The following DLG3 variants were observed in gnomAD, a reference collection of about 807,000 sequenced individuals.
DLG3 encodes the protein discs large MAGUK scaffold protein 3, also known as disks large homolog 3.
DLG3 carries 1 observed loss-of-function variant against 64.1 expected under a neutral mutation model. That is an observed-to-expected ratio of 0.02 (90% CI 0.01 to 0.07). The LOEUF (loss-of-function observed/expected upper bound fraction) is 0.07, where lower values mean the gene tolerates loss of function less well. DLG3 is among the 10% of genes least tolerant of loss of function. The pLI, the probability that DLG3 is intolerant of heterozygous loss-of-function variation, is 1.00. For synonymous variants in DLG3, 245 were observed against 259.8 expected, an observed-to-expected ratio of 0.94 and a Z score of 0.55; for missense variants, 429 against 669.5, an observed-to-expected ratio of 0.64 and a Z score of 3.96.
chrX:70,502,515 G>T lies in DLG3; in HGVS notation c.*246G>T. The T allele has an allele frequency of 3.1e-6, 1 of 325,272 alleles. No individual in the cohort carries two copies. Among genetic ancestry groups the T allele is most frequent in the Non-Finnish European group, 5.4e-6 (1 of 184,086 alleles). The allele number at this position is 325,272 out of a possible 1,213,427, so 26.8% of individuals were successfully genotyped here. A position where few individuals can be genotyped will look rare whatever the true frequency, so the allele number is the denominator to read the frequency against. The stretch of plus-strand genomic sequence containing the variant: ...ATGTGACTGTGCCCATTCCTGCATG[G>T]ACCTTTCCCAAGCGCTAGCACAGGT... On this transcript the variant is annotated 3_prime_UTR_variant, in exon 19 of 19. Transcript: ENST00000374360.
In DLG3 at chrX:70,449,710, G is replaced by T; in HGVS notation, c.554G>T (p.Arg185Leu). The T allele has an allele frequency of 8.3e-7, 1 of 1,210,934 alleles. No homozygotes were observed. The highest frequency in any genetic ancestry group is 1.1e-6 in the Non-Finnish European group (1 of 895,387). The change falls in exon 4 of 19, where the codon CGG (arginine) becomes CTG (leucine). Residue 185 changes from arginine (R) to leucine (L), a missense_variant. Physicochemically the swap from Arg to Leu is moderately radical, Grantham distance 102 (BLOSUM62 -2). This residue lies in a region of DLG3 where 73 missense variants were observed against 158.5 expected (regional missense o/e 0.46). Coordinates refer to ENST00000374360, the MANE Select transcript of DLG3 (RefSeq NM_021120.4). ...GRLGVNDCVL[R>L]VNEVDVSEVV... Reference sequence around the variant, plus strand: ...CACAGGGTGAATGACTGTGTGCTGCGGGTGAATGAGGTGGACGTGTCGGAG... The same window carrying T: ...CACAGGGTGAATGACTGTGTGCTGCTGGTGAATGAGGTGGACGTGTCGGAG...
At chrX:70,499,095 T>C in intron 14 of DLG3, 81 bp from the exon 15 acceptor site, 2 of 688,729 alleles carry the variant, frequency 2.9e-6, no homozygotes, top group Admixed American at 4.9e-5. Flanking sequence ...CCAGAGCCTC[T>C]GTGTTCTAGC....
chrX:70,492,173 T>C lies in DLG3; in HGVS notation c.1587T>C (p.Tyr529=). The change falls in exon 11 of 19, where the codon TAT becomes TAC. Residue 529 remains tyrosine, a synonymous_variant. Transcript: ENST00000374360. ...CAAGCCAGGGGCTCAGCTTCTCTTA[T>C]GGTGACATTCTGCATGTCATTAATG... ...CLPSQGLSFS[Y]GDILHVINAS... 8.3e-7 allele frequency: 1 copy of C among 1,209,539 alleles called. No individual in the cohort carries two copies. The highest frequency in any genetic ancestry group is 1.8e-5 in the South Asian group (1 of 56,308).
chrX:70,458,205 G>T (rs1442575805), intron 9 of DLG3, among the ~76,000 whole-genome samples: 1 of 109,984 alleles, frequency 9.1e-6, no homozygotes, highest in African/African-American at 3.3e-5. Context: ...AGAGATAGGG[G>T]TTTGCCATGT....
At chrX:70,499,759 GA>G (rs1210734067) in intron 15 of DLG3, 117 bp from the exon 16 acceptor site, 1,591 of 631,273 alleles carry the variant, frequency 2.5e-3, no homozygotes, top group Non-Finnish European at 3.2e-3. Context: ...CCACTTACTT[GA>G]AAAAAAAAAT....
chrX:70,477,284 A>T (rs1602943501), intron 9 of DLG3, among the ~76,000 whole-genome samples: 3 of 112,727 alleles, frequency 2.7e-5, no homozygotes, highest in African/African-American at 9.7e-5. Context: ...AGTTCAATGC[A>T]TAGTTCTTTC....
intron 7 of DLG3, chrX:70,452,730 T>C: frequency 1.2e-5 from 14 of 1,196,308 alleles, no homozygotes; most frequent in Non-Finnish European, 1.6e-5. Flanking sequence ...GCCGCTCCGC[T>C]CCCTGCGGCC....
At chrX:70,463,321 A>T (rs1017310027) in intron 9 of DLG3, among the ~76,000 whole-genome samples, 2 of 109,553 alleles carry the variant, frequency 1.8e-5, no homozygotes, top group Admixed American at 2.0e-4. Context: ...CAAATTTTTT[A>T]TATCTAGTAG....
At chrX:70,490,399 T>C (rs2087337088) in intron 10 of DLG3, among the ~76,000 whole-genome samples, 1 of 111,632 alleles carries the variant, frequency 9.0e-6, no homozygotes, top group Non-Finnish European at 1.9e-5. Context: ...TGAGAATGCA[T>C]TCAGTTTTGA....
rs775505438 is a variant in DLG3 at position 70,492,291 on chromosome X, G to A, written c.1697+8G>A. On this transcript the variant is annotated splice_region_variant and intron_variant, in intron 11 of 18. Transcript: ENST00000374360. ...GATCCCCAGTAAGAAGAGGTGAGTC[G>A]TCATGATCATGAGCAAGGCCTTTCC... 4 of 1,208,956 alleles carry A rather than the reference G, an allele frequency of 3.3e-6. No individual in the cohort carries two copies. The highest frequency in any genetic ancestry group is 5.9e-5 in the East Asian group (2 of 33,756).
Position 70,502,067 on chromosome X carries a change from G to C in DLG3, c.2348-96G>C, listed in dbSNP as rs2087574111. ...TCATGTGAGGGGTGAGGGGGTGGAG[G>C]GGGGACTTGTAGGATTGTTGGGAGA... On this transcript the variant is annotated intron_variant, in intron 18 of 18. Transcript: ENST00000374360. The C allele has an allele frequency of 2.3e-5, 15 of 654,560 alleles. No homozygotes were observed. The South Asian group carries it at 3.6e-4, about 15-fold the overall frequency. 53.9% of individuals were successfully genotyped at this position (654,560 alleles called of 1,213,427 possible).
Position 70,502,370 on chromosome X carries a change from T to C in DLG3, c.*101T>C. ...CCCATGGGGAGAACAAATGCTACTGTTCTTGTCCCCTTTTTTAGATATGTC... is the reference window on the plus strand; with the variant it reads ...CCCATGGGGAGAACAAATGCTACTGCTCTTGTCCCCTTTTTTAGATATGTC... On this transcript the variant is annotated 3_prime_UTR_variant, in exon 19 of 19. Coordinates refer to ENST00000374360, the MANE Select transcript of DLG3 (RefSeq NM_021120.4). The C allele has an allele frequency of 3.4e-6, 2 of 591,025 alleles. No individual in the cohort carries two copies. Among genetic ancestry groups the C allele is most frequent in the Non-Finnish European group, 2.8e-6 (1 of 359,280 alleles). 48.7% of individuals were successfully genotyped at this position (591,025 alleles called of 1,213,427 possible). A position where few individuals can be genotyped will look rare whatever the true frequency, so the allele number is the denominator to read the frequency against.
chrX:70,460,307 A>AC (rs2086782092), intron 9 of DLG3, among the ~76,000 whole-genome samples: 1 of 107,369 alleles, frequency 9.3e-6, no homozygotes, highest in Non-Finnish European at 1.9e-5. Context: ...AAAAAAAAAA[A>AC]CTCCCAAATC....
chrX:70,489,522 C>T (rs1220491168), intron 10 of DLG3, among the ~76,000 whole-genome samples: 2 of 111,302 alleles, frequency 1.8e-5, no homozygotes, highest in African/African-American at 3.3e-5. Context: ...AGGCAGGTCT[C>T]GAACTCCTGA....
At chrX:70,451,023 G>A (rs2086611410) in intron 6 of DLG3, 2 of 431,523 alleles carry the variant, frequency 4.6e-6, no homozygotes, top group South Asian at 3.5e-5. Context: ...TCTATGGAGA[G>A]TGAATTTTAA....
intron 7 of DLG3, chrX:70,452,895 G>C: frequency 1.7e-6 from 1 of 602,097 alleles, no homozygotes; most frequent in South Asian, 3.8e-5. Flanking sequence ...AAGTGAAGGC[G>C]GTGGGCCGGG....
intron 8 of DLG3, 75 bp from the exon 9 acceptor site, chrX:70,454,139 C>A: frequency 1.1e-6 from 1 of 948,970 alleles, no homozygotes; most frequent in Non-Finnish European, 1.5e-6. Context: ...GTACCCATCT[C>A]CCTCTCCTAA....
intron 6 of DLG3, chrX:70,450,993 A>T: frequency 4.3e-6 from 2 of 465,751 alleles, no homozygotes; most frequent in Non-Finnish European, 7.3e-6. Context: ...TAGAGTCAGC[A>T]TTGGCAATTT....
chrX:70,495,307 C>T, intron 12 of DLG3, 101 bp from the exon 13 acceptor site: 1 of 789,121 alleles, frequency 1.3e-6, no homozygotes, highest in Non-Finnish European at 1.9e-6. Flanking sequence ...TTTTTCTCTT[C>T]TCCCCAAATC....
Sources: gnomAD v4.1 joint callset for allele counts (sites outside exome capture counted in the v4.1 genomes callset) on GRCh38, gnomAD v4.1.1 for gene constraint, gnomAD v4.1.1 regional missense constraint, MANE v1.5 for transcripts, NCBI Gene and HGNC (gene_info 2026-07-23, HGNC 2026-07-21) for gene names.